ADGRG7: variants seen among roughly 807,000 people sequenced by gnomAD.
ADGRG7 encodes adhesion G protein-coupled receptor G7, also known as G-protein coupled receptor 128.
In ADGRG7, 82 loss-of-function variants were observed where a neutral mutation model predicts 88.6. The ratio of observed to expected loss-of-function variants is 0.93; its 90% CI spans 0.77 to 1.11. ADGRG7 has a LOEUF of 1.11. ADGRG7 is among the 50% of genes most tolerant of loss of function. The pLI is 0.00. For synonymous variants in ADGRG7, 381 were observed against 345.2 expected, an observed-to-expected ratio of 1.10 and a Z score of -1.15; for missense variants, 945 against 953.4, an observed-to-expected ratio of 0.99 and a Z score of 0.12.
chr3:100,629,571 C>T (rs2149016756), intron 1 of ADGRG7, 27 bp from the exon 2 acceptor site: 1 of 1,517,222 alleles, frequency 6.6e-7, no homozygotes, highest in Non-Finnish European at 9.1e-7. Flanking sequence ...CAGTTCATGA[C>T]TATTCTGTTA....
intron 14 of ADGRG7, among the ~76,000 whole-genome samples, chr3:100,667,436 G>C (rs545817543): frequency 5.9e-5 from 9 of 152,038 alleles, no homozygotes; most frequent in Non-Finnish European, 1.3e-4. Context: ...ATTTGTTTTT[G>C]TGATCTTGTA....
intron 6 of ADGRG7, among the ~76,000 whole-genome samples, chr3:100,640,736 A>G (rs1327662034): frequency 6.6e-6 from 1 of 152,016 alleles, no homozygotes; most frequent in Non-Finnish European, 1.5e-5. Context: ...TGATCAGGCT[A>G]ATCTTGAACT....
At chr3:100,689,128 G>T (rs1263561372) in intron 15 of ADGRG7, among the ~76,000 whole-genome samples, 1 of 152,192 alleles carries the variant, frequency 6.6e-6, no homozygotes, top group African/African-American at 2.4e-5. Context: ...TTACCATTAT[G>T]TAATGGCCTT....
intron 11 of ADGRG7, among the ~76,000 whole-genome samples, chr3:100,650,685 G>A (rs1043892220): frequency 2.6e-5 from 4 of 152,096 alleles, no homozygotes; most frequent in African/African-American, 7.2e-5. Flanking sequence ...TTGATTCCTC[G>A]TTTAAAGTGA....
Position 100,609,954 on chromosome 3 carries a change from T to C in ADGRG7, c.98T>C (p.Val33Ala). 1 of 1,613,296 alleles carries C rather than the reference T, an allele frequency of 6.2e-7. No individual in the cohort carries two copies. The highest frequency in any genetic ancestry group is 1.7e-4 in the Middle Eastern group (1 of 6,054). The part of the protein sequence containing the change: ...IILGLGIWRI[V>A]IRIQRGKSTS... ...TTGGGACTGGGCATCTGGAGGATTG[T>C]GATCAGGATCCAAAGAGGTAATGTT... is the stretch of plus-strand genomic sequence containing the variant. Residue 33 changes from valine to alanine, a missense_variant, in exon 1 of 16, where the codon GTG (valine) becomes GCG (alanine). By Grantham distance (64) the Val-to-Ala change is moderately conservative (BLOSUM62 0). Coordinates refer to ENST00000273352, the MANE Select transcript of ADGRG7 (RefSeq NM_032787.3).
intron 9 of ADGRG7, 183 bp downstream of exon 9, chr3:100,646,291 T>C (rs1024375251): frequency 2.1e-5 from 13 of 631,754 alleles, no homozygotes; most frequent in Non-Finnish European, 2.9e-5. Context: ...CAGGGATATG[T>C]TGAATAAAAG....
At chr3:100,688,684 G>C (rs2094987627) in intron 15 of ADGRG7, among the ~76,000 whole-genome samples, 1 of 152,186 alleles carries the variant, frequency 6.6e-6, no homozygotes, top group African/African-American at 2.4e-5. Context: ...TAGTTGAGCG[G>C]TTTTGAGTGA....
At chr3:100,664,963 T>C in intron 14 of ADGRG7, 1 of 359,702 alleles carries the variant, frequency 2.8e-6, no homozygotes, top group African/African-American at 2.2e-5. Context: ...TAAGTAACAA[T>C]GCATTTTTAG....
At position 100,630,679 on chromosome 3, in the gene ADGRG7, T is replaced by C. The variant is rs568584391; in HGVS notation, c.230-26T>C. 6.0e-5 allele frequency: 66 copies of C among 1,097,310 alleles called. 2 individuals are homozygous for C. In the South Asian group the frequency reaches 1.7e-3, roughly 28 times the overall value. The allele number at this position is 1,097,310 out of a possible 1,614,324, so 68.0% of individuals were successfully genotyped here. ...AATTTTTTTAAAATACAATTTATAATAAAGAACTTTTTCTCTTTATTACAG... is the reference window on the plus strand; with the variant it reads ...AATTTTTTTAAAATACAATTTATAACAAAGAACTTTTTCTCTTTATTACAG... On this transcript the variant is annotated intron_variant, in intron 2 of 15. Coordinates refer to ENST00000273352, the MANE Select transcript of ADGRG7 (RefSeq NM_032787.3).
rs577678180 is a variant in ADGRG7, at chr3:100,615,736, T to C, written c.115+5765T>C. 7.2e-5 allele frequency among the ~76,000 whole-genome samples: 11 copies of C among 152,288 alleles called. No individual in the cohort carries two copies. In the South Asian group the frequency reaches 2.3e-3, roughly 32 times the overall value. On this transcript the variant is annotated intron_variant, in intron 1 of 15. Transcript: ENST00000273352. ...GAATAATTCAAATATGCAAGCAGGCTTTCTTTCTTGAGGAAAAATCACAAG... is the reference window on the plus strand; with the variant it reads ...GAATAATTCAAATATGCAAGCAGGCCTTCTTTCTTGAGGAAAAATCACAAG...
At position 100,609,913 on chromosome 3, in the gene ADGRG7, A is replaced by G. The variant is rs760228702; in HGVS notation, c.57A>G (p.Leu19=). Residue 19 remains leucine, a synonymous_variant, in exon 1 of 16, where the codon CTA becomes CTG. Transcript: ENST00000273352. ...LRVLVAVVCG[L]LTGIILGLGI... ...TGCTGGTGGCTGTCGTGTGTGGACT[A>G]CTGACTGGCATCATTTTGGGACTGG... The G allele has an allele frequency of 4.3e-6, 7 of 1,613,878 alleles. No individual in the cohort carries two copies. In the African/African-American group the frequency reaches 8.0e-5, roughly 18 times the overall value.
intron 9 of ADGRG7, chr3:100,646,317 C>G: frequency 3.3e-6 from 2 of 605,738 alleles, no homozygotes; most frequent in Non-Finnish European, 5.7e-6. Context: ...TATAGCAAAA[C>G]TCTTCAAAAG....
chr3:100,645,904 A>G (rs202117425), intron 8 of ADGRG7, 41 bp from the exon 9 acceptor site: 2 of 1,566,526 alleles, frequency 1.3e-6, no homozygotes, highest in East Asian at 2.2e-5. Flanking sequence ...TGTTTACCTT[A>G]CAGTGCACTT....
intron 1 of ADGRG7, among the ~76,000 whole-genome samples, chr3:100,627,104 G>A (rs932577346): frequency 6.6e-6 from 1 of 152,132 alleles, no homozygotes; most frequent in African/African-American, 2.4e-5. Flanking sequence ...TCAGCACCAT[G>A]TTGAATCGAA....
intron 6 of ADGRG7, 171 bp downstream of exon 6, chr3:100,637,573 G>GCCTCT: frequency 1.7e-6 from 1 of 585,254 alleles, no homozygotes; most frequent in Non-Finnish European, 3.1e-6. Context: ...GTTACTAGAT[G>GCCTCT]GAGTGGTATA....
rs756472958 is a variant in ADGRG7, at chr3:100,655,982, C to T, written c.1810C>T (p.Arg604Trp). 63 of 1,599,750 alleles carry T rather than the reference C, an allele frequency of 3.9e-5. 1 individual carries two copies. The highest frequency in any genetic ancestry group is 1.7e-4 in the South Asian group (15 of 90,480). Residue 604 changes from arginine to tryptophan, a missense_variant, in exon 13 of 16, where the codon CGG (arginine) becomes TGG (tryptophan). Coordinates refer to ENST00000273352, the MANE Select transcript of ADGRG7 (RefSeq NM_032787.3). ...TAATCCACAGTGGGAATTAGACTAC[C>T]GGCAAGAGAAAATGTGAGTTTATAT... ...GNNPQWELDY[R>W]QEKICWLAIP...
intron 10 of ADGRG7, 38 bp from the exon 11 acceptor site, chr3:100,649,657 T>A: frequency 9.1e-7 from 1 of 1,103,858 alleles, no homozygotes; most frequent in East Asian, 2.4e-5. Flanking sequence ...ACTTCAGGGA[T>A]GACTAATTAA....
At chr3:100,639,304 C>T (rs1186204203) in intron 6 of ADGRG7, among the ~76,000 whole-genome samples, 1 of 152,094 alleles carries the variant, frequency 6.6e-6, no homozygotes, top group Non-Finnish European at 1.5e-5. Flanking sequence ...TCTTTATTTA[C>T]ACGACCCATT....
At chr3:100,693,259 T>A (rs2094996807) in intron 15 of ADGRG7, among the ~76,000 whole-genome samples, 1 of 152,160 alleles carries the variant, frequency 6.6e-6, no homozygotes, top group Non-Finnish European at 1.5e-5. Context: ...AAAAATCAGA[T>A]GAAATAGTGT....
Sources: gnomAD v4.1 joint callset for allele counts (sites outside exome capture counted in the v4.1 genomes callset) on GRCh38, gnomAD v4.1.1 for gene constraint, MANE v1.5 for transcripts, NCBI Gene and HGNC (gene_info 2026-07-23, HGNC 2026-07-21) for gene names.